NFXL1: variants seen among roughly 807,000 people sequenced by gnomAD.
NFXL1 encodes the protein NF-X1-type zinc finger protein NFXL1.
A neutral mutation model predicts 123.3 loss-of-function variants in NFXL1; 66 were observed. The observed-to-expected ratio is 0.54, with a 90% CI of 0.44 to 0.66. NFXL1 has a LOEUF of 0.66. Among genes scored for constraint, NFXL1 ranks in the 30% least tolerant of loss-of-function variants. The probability of loss-of-function intolerance (pLI) is 0.00; values close to 1 mark genes in which losing one functional copy is unlikely to be tolerated. For synonymous variants in NFXL1, 346 were observed against 360.8 expected (o/e 0.96, Z 0.46); for missense variants, 944 against 1,125.6 (o/e 0.84, Z 2.31).
rs1734094196 is a variant in NFXL1 at position 47,851,119 on chromosome 4, A to C, written c.2538T>G (p.Leu846=). 6.2e-7 allele frequency: 1 copy of C among 1,612,032 alleles called. No individual in the cohort carries two copies. Among genetic ancestry groups the C allele is most frequent in the South Asian group, 1.1e-5 (1 of 91,030 alleles). The change falls in exon 22 of 23, where the codon CTT becomes CTG. Residue 846 remains leucine (L), a synonymous_variant. Transcript: ENST00000507489. Reference sequence around the variant, plus strand: ...CCTGTTGTCTTCGTTTTTCTTCTTCAAGAGCAGCTTTGGCTTCTGCTTCTT... The same window carrying C: ...CCTGTTGTCTTCGTTTTTCTTCTTCCAGAGCAGCTTTGGCTTCTGCTTCTT... ...EIKEAEAKAA[L]EEEKRRQQAE...
intron 18 of NFXL1, among the ~76,000 whole-genome samples, chr4:47,869,437 C>T (rs1418307855): frequency 1.3e-5 from 2 of 151,956 alleles, no homozygotes; most frequent in Admixed American, 6.5e-5. Context: ...CTGTTAAGTT[C>T]CATAAATTAG....
At chr4:47,874,323 T>G (rs1234620480) in intron 18 of NFXL1, among the ~76,000 whole-genome samples, 2 of 152,166 alleles carry the variant, frequency 1.3e-5, no homozygotes, top group East Asian at 3.8e-4. Flanking sequence ...ATTTCTAGCT[T>G]TTGATTTAAA....
chr4:47,884,345 C>A lies in NFXL1; in HGVS notation c.1916+1G>T. On this transcript the variant is annotated splice_donor_variant, in intron 15 of 22. Coordinates refer to ENST00000507489, the MANE Select transcript of NFXL1 (RefSeq NM_001278624.2). LOFTEE classifies it high-confidence loss of function. ...TTTTTAATTGAAATTCTAATACTTA[C>A]ATAGGAATAGGAACTTGACATGGAG... 8 of 1,493,892 alleles carry A rather than the reference C, an allele frequency of 5.4e-6. No individual in the cohort carries two copies. Among genetic ancestry groups the A allele is most frequent in the Non-Finnish European group, 6.5e-6 (7 of 1,084,650 alleles). 92.5% of individuals were successfully genotyped at this position (1,493,892 alleles called of 1,614,324 possible).
Position 47,894,278 on chromosome 4 carries a change from C to T in NFXL1, c.1354G>A (p.Gly452Arg). 1 of 1,597,412 alleles carries T rather than the reference C, an allele frequency of 6.3e-7. No homozygotes were observed. Among genetic ancestry groups the T allele is most frequent in the Non-Finnish European group, 8.5e-7 (1 of 1,171,366 alleles). Residue 452 changes from glycine to arginine, a missense_variant, in exon 11 of 23, where the codon GGA becomes AGA. Around this residue, in one of 4 missense-constraint regions of NFXL1, gnomAD observed 296 missense variants for 395.1 expected, o/e 0.75. Coordinates refer to ENST00000507489, the MANE Select transcript of NFXL1 (RefSeq NM_001278624.2). ...CAAGGCATTCGTTTTGTATGCTTTC[C>T]ACAGCGACAATGCTTTTCCACTTCC... is the stretch of plus-strand genomic sequence containing the variant. Reference protein sequence around the residue: ...RQEVEKHCRCGKHTKRMPCHK... With the variant: ...RQEVEKHCRCRKHTKRMPCHK...
At chr4:47,883,812 C>T (rs1736256595) in intron 15 of NFXL1, among the ~76,000 whole-genome samples, 1 of 152,200 alleles carries the variant, frequency 6.6e-6, no homozygotes, top group Non-Finnish European at 1.5e-5. Context: ...TGCTTTTTCC[C>T]CTATACTCCA....
chr4:47,864,838 G>A (rs1734959668), intron 18 of NFXL1, among the ~76,000 whole-genome samples: 1 of 152,110 alleles, frequency 6.6e-6, no homozygotes, highest in African/African-American at 2.4e-5. Context: ...TAATAAACCA[G>A]TAAACATAAG....
chr4:47,910,742 A>G (rs1177920388), intron 3 of NFXL1, 82 bp downstream of exon 3: 5 of 784,564 alleles, frequency 6.4e-6, no homozygotes, highest in Non-Finnish European at 1.0e-5. Flanking sequence ...AATCTATTCC[A>G]TATAGAACAA....
chr4:47,893,703 A>G (rs552952229), intron 11 of NFXL1, among the ~76,000 whole-genome samples: 13 of 148,760 alleles, frequency 8.7e-5, no homozygotes, highest in Middle Eastern at 3.5e-3. Flanking sequence ...TTCAGAATAG[A>G]AAAAAAAAAA....
intron 19 of NFXL1, among the ~76,000 whole-genome samples, chr4:47,855,657 C>T (rs1734366970): frequency 6.6e-6 from 1 of 152,058 alleles, no homozygotes; most frequent in African/African-American, 2.4e-5. Context: ...CACCTACCTT[C>T]CCTGTACTGC....
intron 18 of NFXL1, among the ~76,000 whole-genome samples, chr4:47,865,094 T>G (rs1346808205): frequency 6.6e-6 from 1 of 152,204 alleles, no homozygotes; most frequent in African/African-American, 2.4e-5. Flanking sequence ...CAGAAGTGAT[T>G]GTTTTCTTCT....
At chr4:47,875,942 A>G (rs1735724055) in intron 17 of NFXL1, among the ~76,000 whole-genome samples, 1 of 152,190 alleles carries the variant, frequency 6.6e-6, no homozygotes, top group African/African-American at 2.4e-5. Context: ...ATAATCTACT[A>G]AAGAAGGTTA....
chr4:47,852,150 A>G (rs1734152720), intron 20 of NFXL1: 1 of 455,012 alleles, frequency 2.2e-6, no homozygotes, highest in Non-Finnish European at 3.9e-6. Context: ...AGAGAATACC[A>G]TAAAATTTTT....
chr4:47,889,631 A>T (rs1736648826), intron 12 of NFXL1, among the ~76,000 whole-genome samples: 1 of 152,192 alleles, frequency 6.6e-6, no homozygotes, highest in South Asian at 2.1e-4. Context: ...GTCTAGGCTT[A>T]AATCCAGGAT....
At chr4:47,850,993 A>G (rs1734085528) in intron 22 of NFXL1, 102 bp downstream of exon 22, 3 of 833,740 alleles carry the variant, frequency 3.6e-6, no homozygotes, top group African/African-American at 3.4e-5. Flanking sequence ...TCAGTTCACA[A>G]TAGAGACTAG....
At chr4:47,855,826 C>A (rs960623028) in intron 19 of NFXL1, among the ~76,000 whole-genome samples, 9 of 151,956 alleles carry the variant, frequency 5.9e-5, no homozygotes, top group African/African-American at 2.2e-4. Context: ...GTTTATGCTC[C>A]GTGTCTTTAA....
intron 18 of NFXL1, among the ~76,000 whole-genome samples, chr4:47,871,175 C>T (rs573575682): frequency 3.6e-3 from 544 of 152,010 alleles, no homozygotes; most frequent in Non-Finnish European, 6.6e-3. Context: ...ATGGTGAAAC[C>T]CTGTCTCTAC....
Position 47,885,974 on chromosome 4 carries a change from G to A in NFXL1, c.1569C>T (p.Thr523=), listed in dbSNP as rs6818556. 1,209,401 of 1,612,424 alleles carry A rather than the reference G, an allele frequency of 0.75. 455,054 individuals are homozygous for A. The highest frequency in any genetic ancestry group is 0.76 in the South Asian group (69,194 of 90,920). ...HRGSCYPCPE[T]VDVKCNCGNT... ...TGCCACAATTACACTTCACATCTACGGTTTCTGGGCAGGGATAGCAACTGC... is the reference window on the plus strand; with the variant it reads ...TGCCACAATTACACTTCACATCTACAGTTTCTGGGCAGGGATAGCAACTGC... Residue 523 remains threonine, a synonymous_variant, in exon 13 of 23, where the codon ACC becomes ACT. Transcript: ENST00000507489.
intron 11 of NFXL1, among the ~76,000 whole-genome samples, chr4:47,891,634 A>C (rs1203281879): frequency 1.3e-5 from 2 of 152,196 alleles, no homozygotes; most frequent in Non-Finnish European, 2.9e-5. Context: ...TTAACTTCTT[A>C]CTTACCTAAC....
intron 20 of NFXL1, chr4:47,852,183 A>G: frequency 4.8e-6 from 2 of 416,484 alleles, no homozygotes; most frequent in Middle Eastern, 6.8e-4. Flanking sequence ...AATAATTACT[A>G]TGTGCCACTA....
Sources: gnomAD v4.1 joint callset for allele counts (sites outside exome capture counted in the v4.1 genomes callset) on GRCh38, gnomAD v4.1.1 for gene constraint, gnomAD v4.1.1 regional missense constraint, MANE v1.5 for transcripts, NCBI Gene and HGNC (gene_info 2026-07-23, HGNC 2026-07-21) for gene names.